FNDC7: variants seen among roughly 807,000 people sequenced by gnomAD.
FNDC7 encodes the protein fibronectin type III domain containing 7.
A neutral mutation model predicts 74.2 loss-of-function variants in FNDC7; 66 were observed. That is an observed-to-expected ratio of 0.89 (90% confidence interval 0.73 to 1.09). The LOEUF is 1.09. Among genes scored for constraint, FNDC7 ranks in the 50% least tolerant of loss-of-function variants. The probability of loss-of-function intolerance (pLI) is 0.00; values close to 1 mark genes in which losing one functional copy is unlikely to be tolerated. For synonymous variants in FNDC7, 307 were observed against 330.2 expected (o/e 0.93, Z 0.76); for missense variants, 829 against 893.4 (o/e 0.93, Z 0.92).
intron 2 of FNDC7, among the ~76,000 whole-genome samples, chr1:108,716,191 C>T (rs1363192693): frequency 6.6e-6 from 1 of 151,982 alleles, no homozygotes; most frequent in Non-Finnish European, 1.5e-5. Flanking sequence ...TTCCAATGAA[C>T]AGAACTGGTA....
At chr1:108,724,764 A>T (rs886125120) in intron 5 of FNDC7, among the ~76,000 whole-genome samples, 16 of 150,764 alleles carry the variant, frequency 1.1e-4, no homozygotes, top group South Asian at 4.2e-4. Context: ...CAAAAAAAAA[A>T]AATTAATTAA....
intron 4 of FNDC7, among the ~76,000 whole-genome samples, chr1:108,719,841 C>A (rs1661059739): frequency 6.6e-6 from 1 of 152,006 alleles, no homozygotes; most frequent in Non-Finnish European, 1.5e-5. Context: ...ATGTAACCTA[C>A]ATAGATAGGA....
chr1:108,722,412 G>C lies in FNDC7; in HGVS notation c.676G>C (p.Glu226Gln). The change falls in exon 5 of 13, where the codon GAA becomes CAA. Residue 226 changes from glutamate to glutamine, a missense_variant. Physicochemically the swap from Glu to Gln is conservative, Grantham distance 29. Transcript: ENST00000370017. ...LKASFSWARA[E>Q]GAFNYTVMAL... ...GGCATCTTTTTCCTGGGCACGGGCA[G>C]AAGGAGCTTTCAATTATACTGTGAT... is the stretch of plus-strand genomic sequence containing the variant. 6.2e-7 allele frequency: 1 copy of C among 1,614,250 alleles called. No homozygotes were observed. The highest frequency in any genetic ancestry group is 8.5e-7 in the Non-Finnish European group (1 of 1,180,028).
intron 3 of FNDC7, among the ~76,000 whole-genome samples, chr1:108,718,546 C>T (rs1661026319): frequency 6.6e-6 from 1 of 152,192 alleles, no homozygotes; most frequent in East Asian, 1.9e-4. Context: ...TATCTAATTT[C>T]TGACTAACTT....
At chr1:108,730,303 G>A (rs1015766415) in intron 8 of FNDC7, among the ~76,000 whole-genome samples, 24 of 151,338 alleles carry the variant, frequency 1.6e-4, no homozygotes, top group African/African-American at 5.3e-4. Flanking sequence ...CTTGAACCTG[G>A]GAGGTGGAGG....
Position 108,718,004 on chromosome 1 carries a change from G to A in FNDC7, c.310G>A (p.Ala104Thr), listed in dbSNP as rs1042947103. The A allele has an allele frequency of 1.9e-6, 3 of 1,551,600 alleles. No homozygotes were observed. Among genetic ancestry groups the A allele is most frequent in the African/African-American group, 2.7e-5 (2 of 73,052 alleles). ...RSISAAGRSQ[A>T]SPPKQAKTVL... ...CATCAGCGCTGCTGGGAGAAGCCAG[G>A]CGTCACCTCCAAAGCAGGCAAAGAC... Residue 104 changes from alanine (A) to threonine (T), a missense_variant, in exon 3 of 13, where the codon GCG becomes ACG. Physicochemically the swap from Ala to Thr is moderately conservative, Grantham distance 58. Transcript: ENST00000370017.
intron 9 of FNDC7, among the ~76,000 whole-genome samples, chr1:108,732,954 T>TTTC (rs1661425054): frequency 6.7e-6 from 1 of 150,034 alleles, no homozygotes; most frequent in Non-Finnish European, 1.5e-5. Context: ...TTTTTTTTTT[T>TTTC]GTAGAGTCAG....
At chr1:108,729,241 A>C (rs1196208060) in intron 8 of FNDC7, among the ~76,000 whole-genome samples, 1 of 152,208 alleles carries the variant, frequency 6.6e-6, no homozygotes, top group Non-Finnish European at 1.5e-5. Context: ...CAGCCCTTTC[A>C]AATTTTTCTC....
At chr1:108,726,909 C>T (rs573659671) in intron 6 of FNDC7, among the ~76,000 whole-genome samples, 1 of 152,302 alleles carries the variant, frequency 6.6e-6, no homozygotes, top group African/African-American at 2.4e-5. Flanking sequence ...GAGGGCCCTC[C>T]AGAGTGGCCT....
chr1:108,733,514 C>T lies in FNDC7; in HGVS notation c.2122C>T (p.Pro708Ser). 6.2e-7 allele frequency: 1 copy of T among 1,610,366 alleles called. No homozygotes were observed. The highest frequency in any genetic ancestry group is 1.7e-5 in the Admixed American group (1 of 59,530). Reference sequence around the variant, plus strand: ...AACAGGATTGAAGCTTACTTTCTGTCCAAAAAAAATATATTCAGGTAAAGC... The same window carrying T: ...AACAGGATTGAAGCTTACTTTCTGTTCAAAAAAAATATATTCAGGTAAAGC... ...AKTGLKLTFC[P>S]KKIYSVTCSG... Residue 708 changes from proline (P) to serine (S), a missense_variant, in exon 10 of 13, where the codon CCA becomes TCA. Coordinates refer to ENST00000370017, the MANE Select transcript of FNDC7 (RefSeq NM_001144937.3).
At chr1:108,714,364 A>G (rs1179720597) in intron 2 of FNDC7, among the ~76,000 whole-genome samples, 1 of 152,184 alleles carries the variant, frequency 6.6e-6, no homozygotes, top group Non-Finnish European at 1.5e-5. Context: ...TCATGCATAT[A>G]CAGTAAGTTT....
In FNDC7 at chr1:108,718,532, G is replaced by C. The variant is rs537385242; in HGVS notation, c.338-257G>C. 5.9e-5 allele frequency among the ~76,000 whole-genome samples: 9 copies of C among 152,292 alleles called. No homozygotes were observed. In the East Asian group the frequency reaches 1.5e-3, roughly 26 times the overall value. ...TGATTTATATTATGATTATAGGAAT[G>C]TTTTATCTAATTTCTGACTAACTTC... On this transcript the variant is annotated intron_variant, in intron 3 of 12. Coordinates refer to ENST00000370017, the MANE Select transcript of FNDC7 (RefSeq NM_001144937.3).
rs750248834 is a variant in FNDC7 at position 108,741,727 on chromosome 1, C to A, written c.2171-46C>A. The A allele has an allele frequency of 3.8e-6, 6 of 1,588,426 alleles. No individual in the cohort carries two copies. In the South Asian group the frequency reaches 5.6e-5, roughly 15 times the overall value. ...CTGGTGCTTTTTAAGAAAATGTCTG[C>A]ATATTGAATGCATCTTTTACTGCTT... On this transcript the variant is annotated intron_variant, in intron 11 of 12. Transcript: ENST00000370017.
intron 10 of FNDC7, among the ~76,000 whole-genome samples, chr1:108,736,963 CTTTTTT>C (rs1173562405): frequency 2.5e-4 from 25 of 99,418 alleles, no homozygotes; most frequent in African/African-American, 9.1e-4. Context: ...GCTTGGCATT[CTTTTTT>C]TTTTTTTTTT....
At chr1:108,718,719 T>G (rs1661028933) in intron 3 of FNDC7, 70 bp from the exon 4 acceptor site, 1 of 1,475,668 alleles carries the variant, frequency 6.8e-7, no homozygotes. Flanking sequence ...ATCAATTTAC[T>G]TGCTTCTAAA....
Position 108,741,957 on chromosome 1 carries a change from A to G in FNDC7, c.*70A>G. 1 of 761,668 alleles carries G rather than the reference A, an allele frequency of 1.3e-6. No homozygotes were observed. The highest frequency in any genetic ancestry group is 2.6e-5 in the Admixed American group (1 of 39,072). 47.2% of individuals were successfully genotyped at this position (761,668 alleles called of 1,614,324 possible). ...TCATTTGTTAGTGATTAGAGATGGAAAAGATCTACTAGAATGTAGAATAAA... is the reference window on the plus strand; with the variant it reads ...TCATTTGTTAGTGATTAGAGATGGAGAAGATCTACTAGAATGTAGAATAAA... On this transcript the variant is annotated 3_prime_UTR_variant, in exon 13 of 13. Transcript: ENST00000370017.
intron 5 of FNDC7, 44 bp from the exon 6 acceptor site, chr1:108,725,706 A>T (rs1273159303): frequency 3.8e-6 from 6 of 1,580,996 alleles, no homozygotes; most frequent in Non-Finnish European, 5.2e-6. Context: ...ATGCGAAGAA[A>T]ATCTCCTGCA....
At chr1:108,735,973 T>A (rs1176165154) in intron 10 of FNDC7, among the ~76,000 whole-genome samples, 2 of 152,044 alleles carry the variant, frequency 1.3e-5, no homozygotes, top group African/African-American at 2.4e-5. Flanking sequence ...GCTTGGCTAA[T>A]TTTTAAAATT....
At chr1:108,733,181 C>T in intron 9 of FNDC7, 91 bp from the exon 10 acceptor site, 4 of 1,488,848 alleles carry the variant, frequency 2.7e-6, no homozygotes, top group Non-Finnish European at 3.7e-6. Flanking sequence ...GACTAGTTTG[C>T]TTATATTTTT....
Sources: gnomAD v4.1 joint callset for allele counts (sites outside exome capture counted in the v4.1 genomes callset) on GRCh38, gnomAD v4.1.1 for gene constraint, MANE v1.5 for transcripts, NCBI Gene and HGNC (gene_info 2026-07-23, HGNC 2026-07-21) for gene names.